CYP24A1: variants seen among roughly 807,000 people sequenced by gnomAD.
CYP24A1 encodes the protein cytochrome P450 family 24 subfamily A member 1, also known as 1,25-dihydroxyvitamin D(3) 24-hydroxylase, mitochondrial.
Under a neutral mutation model 62.4 loss-of-function variants are expected in CYP24A1, and 68 were observed. The ratio of observed to expected loss-of-function variants is 1.09; its 90% CI spans 0.90 to 1.33. The LOEUF is 1.33. Ranked by LOEUF, CYP24A1 falls within the 40% of genes most tolerant of loss-of-function variation. The pLI is 0.00. For missense variants in CYP24A1, 787 were observed against 653.0 expected (o/e 1.21, Z -2.24); for synonymous variants, 267 against 253.0 (o/e 1.06, Z -0.52).
At chr20:54,160,494 C>A (rs140444137) in intron 7 of CYP24A1, among the ~76,000 whole-genome samples, 7 of 152,336 alleles carry the variant, frequency 4.6e-5, no homozygotes, top group Non-Finnish European at 1.0e-4. Flanking sequence ...AAGTGCAAGA[C>A]CATTCAGAGA....
rs535965247 is a variant in CYP24A1, at chr20:54,172,750, G to A, written c.449+159C>T. Reference sequence around the variant, plus strand: ...TGGACCGACTCTAATCTGTACAAGAGCTCAGGGTTGCGATGGCACGGGAGA... The same window carrying A: ...TGGACCGACTCTAATCTGTACAAGAACTCAGGGTTGCGATGGCACGGGAGA... On this transcript the variant is annotated intron_variant, in intron 2 of 11. Transcript: ENST00000216862. The A allele has an allele frequency of 5.4e-6, 8 of 1,491,016 alleles. No homozygotes were observed. In the South Asian group the frequency reaches 1.0e-4, roughly 19 times the overall value. The allele number at this position is 1,491,016 out of a possible 1,614,324, so 92.4% of individuals were successfully genotyped here. A position where few individuals can be genotyped will look rare whatever the true frequency, so the allele number is the denominator to read the frequency against.
chr20:54,152,913 G>A (rs986028188), downstream of CYP24A1, among the ~76,000 whole-genome samples: 2 of 152,250 alleles, frequency 1.3e-5, no homozygotes, highest in African/African-American at 4.8e-5. Flanking sequence ...AGCTCCTGCA[G>A]AGACTAGAGA....
the CYP24A1 span, among the ~76,000 whole-genome samples, chr20:54,145,757 C>T: frequency 2.6e-5 from 4 of 152,034 alleles, no homozygotes; most frequent in Non-Finnish European, 5.9e-5. Flanking sequence ...CTCACGTAAT[C>T]ACCAAGTGAC....
chr20:54,160,912 C>T (rs941888382), intron 7 of CYP24A1, among the ~76,000 whole-genome samples: 1 of 152,216 alleles, frequency 6.6e-6, no homozygotes, highest in Non-Finnish European at 1.5e-5. Flanking sequence ...ACAAACTATC[C>T]TTGATTGACC....
chr20:54,148,363 CACACAG>C, the CYP24A1 span, among the ~76,000 whole-genome samples: 310 of 128,232 alleles, frequency 2.4e-3, 1 homozygote, highest in African/African-American at 8.9e-3. Flanking sequence ...CATACACAGA[CACACAG>C]ACACACACAC....
rs2092694089 is a variant in CYP24A1, at chr20:54,171,616, T to C, written c.504A>G (p.Lys168=). Residue 168 remains lysine, a synonymous_variant, in exon 3 of 12, where the codon AAA becomes AAG. Coordinates refer to ENST00000216862, the MANE Select transcript of CYP24A1 (RefSeq NM_000782.5). ...TGTCCAGCTTCATCACTTCCCCTGG[T>C]TTCATTAGTTTCTTTTGAAAGGCAC... ...VRSAFQKKLM[K]PGEVMKLDNK... is the part of the protein sequence containing the mutation. The C allele has an allele frequency of 6.2e-7, 1 of 1,613,754 alleles. No homozygotes were observed. Among genetic ancestry groups the C allele is most frequent in the Admixed American group, 1.7e-5 (1 of 59,986 alleles).
chr20:54,143,780 C>A, the CYP24A1 span, among the ~76,000 whole-genome samples: 1 of 151,728 alleles, frequency 6.6e-6, no homozygotes, highest in Non-Finnish European at 1.5e-5. Flanking sequence ...AAAAGCCAAA[C>A]CTTTGTTCTT....
At chr20:54,161,534 C>T (rs755002891) in intron 7 of CYP24A1, among the ~76,000 whole-genome samples, 11 of 152,168 alleles carry the variant, frequency 7.2e-5, no homozygotes, top group Non-Finnish European at 1.5e-4. Context: ...ACAGTAGGCA[C>T]TCAATAGTTC....
the CYP24A1 span, among the ~76,000 whole-genome samples, chr20:54,143,650 C>A: frequency 2.0e-5 from 3 of 151,686 alleles, no homozygotes; most frequent in Middle Eastern, 0.01. Context: ...ACCCATCACC[C>A]AAGCCCTACT....
At chr20:54,171,523 C>T in intron 3 of CYP24A1, 54 bp downstream of exon 3, 1 of 1,613,464 alleles carries the variant, frequency 6.2e-7, no homozygotes, top group Admixed American at 1.7e-5. Context: ...TGAAGCTCCA[C>T]CAATATCCCT....
intron 4 of CYP24A1, 57 bp from the exon 5 acceptor site, chr20:54,165,890 A>T (rs1223080361): frequency 1.1e-6 from 1 of 906,476 alleles, no homozygotes; most frequent in Non-Finnish European, 1.9e-6. Flanking sequence ...GTTGGAGTCT[A>T]TGTTTAGCTG....
intron 2 of CYP24A1, among the ~76,000 whole-genome samples, chr20:54,172,573 C>G (rs2092697547): frequency 6.6e-6 from 1 of 152,184 alleles, no homozygotes; most frequent in Admixed American, 6.5e-5. Context: ...AGATGTTTGC[C>G]TGGTACGCTG....
At position 54,159,242 on chromosome 20, in the gene CYP24A1, C is replaced by T. The variant is rs573711275; in HGVS notation, c.991-119G>A. Reference sequence around the variant, plus strand: ...TGCAAATGTATCAGTGAAGCTCTTTCACGCGTCCTTATAGCTACGCCTTTA... The same window carrying T: ...TGCAAATGTATCAGTGAAGCTCTTTTACGCGTCCTTATAGCTACGCCTTTA... On this transcript the variant is annotated intron_variant, in intron 7 of 11. Transcript: ENST00000216862. The T allele has an allele frequency of 1.1e-5, 9 of 793,968 alleles. No individual in the cohort carries two copies. The African/African-American group carries it at 1.4e-4, about 12-fold the overall frequency. The allele number at this position is 793,968 out of a possible 1,614,324, so 49.2% of individuals were successfully genotyped here.
At position 54,158,971 on chromosome 20, in the gene CYP24A1, C is replaced by G. The variant is rs139729577; in HGVS notation, c.1143G>C (p.Leu381=). ...TAGGCTCTTACCTCATAGATTCTTT[C>G]AGACAGGCTTTTAAATACGGCATAT... ...LRNMPYLKAC[L]KESMRLTPSV... is the part of the protein sequence containing the mutation. The change falls in exon 8 of 12, where the codon CTG becomes CTC. Residue 381 remains leucine (L), a synonymous_variant. Transcript: ENST00000216862. The G allele has an allele frequency of 6.2e-7, 1 of 1,614,174 alleles. No individual in the cohort carries two copies. Among genetic ancestry groups the G allele is most frequent in the Non-Finnish European group, 8.5e-7 (1 of 1,180,032 alleles).
rs562355310 is a variant in CYP24A1, at chr20:54,162,701, T to G, written c.990+16A>C. ...AGACCGTTCATTTAGCAAACTCAAATCCAGCCCACCCTTACCGTTTCCACC... is the reference window on the plus strand; with the variant it reads ...AGACCGTTCATTTAGCAAACTCAAAGCCAGCCCACCCTTACCGTTTCCACC... On this transcript the variant is annotated intron_variant, in intron 7 of 11. Transcript: ENST00000216862. The G allele has an allele frequency of 6.4e-7, 1 of 1,557,336 alleles. No homozygotes were observed. Among genetic ancestry groups the G allele is most frequent in the Admixed American group, 1.7e-5 (1 of 59,888 alleles).
chr20:54,170,071 A>G (rs1451340575), intron 3 of CYP24A1, among the ~76,000 whole-genome samples: 1 of 152,138 alleles, frequency 6.6e-6, no homozygotes, highest in Non-Finnish European at 1.5e-5. Context: ...TGCAGCAGCT[A>G]TCCTGAGGTG....
the CYP24A1 span, among the ~76,000 whole-genome samples, chr20:54,147,698 G>C: frequency 6.1e-4 from 93 of 152,334 alleles, 1 homozygote; most frequent in African/African-American, 2.2e-3. Context: ...CTCAACAACT[G>C]TATGAAATAT....
chr20:54,172,907 A>G lies in CYP24A1; in HGVS notation c.449+2T>C. 6.2e-7 allele frequency: 1 copy of G among 1,613,654 alleles called. No homozygotes were observed. The highest frequency in any genetic ancestry group is 8.5e-7 in the Non-Finnish European group (1 of 1,180,014). ...TGCCCAGGTCCCTCGGATTGGACTC[A>G]CAGGATCAGCAGCCCGTAGCCTTCT... On this transcript the variant is annotated splice_donor_variant, in intron 2 of 11. Transcript: ENST00000216862. LOFTEE classifies it high-confidence loss of function.
rs73913757 is a variant in CYP24A1, at chr20:54,173,979, C to G, written c.-400G>C. On this transcript the variant is annotated 5_prime_UTR_variant, in exon 1 of 12. Coordinates refer to ENST00000216862, the MANE Select transcript of CYP24A1 (RefSeq NM_000782.5). The surrounding 1 kb of genome is among the most constrained non-coding windows in gnomAD (Gnocchi z 7.2). ...GCTGGCGCTGCGTTTCCTCCTGTCCCTCTCCATGTTCCTATGCCCAGGGAC... is the reference window on the plus strand; with the variant it reads ...GCTGGCGCTGCGTTTCCTCCTGTCCGTCTCCATGTTCCTATGCCCAGGGAC... The G allele has an allele frequency of 1.6e-5, 4 of 253,018 alleles. No individual in the cohort carries two copies. Among genetic ancestry groups the G allele is most frequent in the Admixed American group, 1.5e-4 (3 of 20,282 alleles). The allele number at this position is 253,018 out of a possible 1,614,324, so 15.7% of individuals were successfully genotyped here.
Sources: allele counts gnomAD v4.1 joint callset (sites outside exome capture counted in the v4.1 genomes callset), GRCh38; gene constraint gnomAD v4.1.1; non-coding constraint Gnocchi (gnomAD v3.1); transcripts MANE v1.5; gene names NCBI Gene and HGNC (gene_info 2026-07-23, HGNC 2026-07-21).